Variants in XPO4 observed in about 807,000 individuals in gnomAD.
The protein encoded by XPO4 is exportin-4.
In XPO4, 39 loss-of-function variants were observed where a neutral mutation model predicts 143.0. The observed-to-expected ratio is 0.27, with a 90% CI of 0.21 to 0.36. XPO4 has a LOEUF of 0.36. Ranked by LOEUF, XPO4 falls within the 10% of genes least tolerant of loss-of-function variation. The pLI, the probability that XPO4 is intolerant of heterozygous loss-of-function variation, is 1.00. For synonymous variants in XPO4, 439 were observed against 474.0 expected, an observed-to-expected ratio of 0.93 and a Z score of 0.96; for missense variants, 907 against 1,348.0, an observed-to-expected ratio of 0.67 and a Z score of 5.12.
chr13:20,836,131 T>A (rs182745455), intron 6 of XPO4, among the ~76,000 whole-genome samples: 6 of 152,284 alleles, frequency 3.9e-5, no homozygotes, highest in African/African-American at 1.4e-4. Context: ...TTTGACCGCA[T>A]GGGGGTTGGT....
intron 6 of XPO4, among the ~76,000 whole-genome samples, 173 bp from the exon 7 acceptor site, chr13:20,827,352 G>T (rs1349102038): frequency 1.3e-5 from 2 of 152,132 alleles, no homozygotes; most frequent in African/African-American, 4.8e-5. Flanking sequence ...GGCATTAAGT[G>T]CCTGGGGAAA....
At chr13:20,852,705 G>A in intron 4 of XPO4, 1 of 978,644 alleles carries the variant, frequency 1.0e-6, no homozygotes, top group Non-Finnish European at 1.2e-6. Context: ...GAGAAAGCAA[G>A]GTACACCACA....
chr13:20,864,094 T>C (rs1481137949), intron 2 of XPO4, among the ~76,000 whole-genome samples: 3 of 152,068 alleles, frequency 2.0e-5, no homozygotes, highest in African/African-American at 7.2e-5. Context: ...TATCTTAACA[T>C]GAACTCTAAT....
intron 1 of XPO4, among the ~76,000 whole-genome samples, chr13:20,901,177 T>C (rs1468412198): frequency 2.6e-5 from 4 of 152,190 alleles, no homozygotes; most frequent in Non-Finnish European, 5.9e-5. Flanking sequence ...ATGTAAAGCA[T>C]CAAGCCCAAT....
chr13:20,863,117 T>C (rs2060216305), intron 2 of XPO4: 1 of 1,133,960 alleles, frequency 8.8e-7, no homozygotes, highest in Non-Finnish European at 1.1e-6. Flanking sequence ...TTCCAAAGCA[T>C]GAAGAACTAA....
chr13:20,895,872 C>A (rs1044235914), intron 1 of XPO4, among the ~76,000 whole-genome samples: 1 of 151,682 alleles, frequency 6.6e-6, no homozygotes, highest in African/African-American at 2.4e-5. Flanking sequence ...TAAAGAATAC[C>A]AGTATATTAA....
chr13:20,789,201 T>C (rs1401160725), intron 19 of XPO4, among the ~76,000 whole-genome samples: 2 of 152,178 alleles, frequency 1.3e-5, no homozygotes, highest in Non-Finnish European at 2.9e-5. Context: ...CAAATCAATA[T>C]GGAGAGTTGA....
At chr13:20,831,804 ATTTTTTTTTT>A (rs34302388) in intron 6 of XPO4, among the ~76,000 whole-genome samples, 2 of 88,786 alleles carry the variant, frequency 2.3e-5, no homozygotes, top group African/African-American at 8.7e-5. Flanking sequence ...TAGTACAGTG[ATTTTTTTTTT>A]TTTTTTTTTT....
chr13:20,804,952 T>G (rs1054757519), intron 13 of XPO4, among the ~76,000 whole-genome samples: 2 of 74,664 alleles, frequency 2.7e-5, no homozygotes, highest in East Asian at 5.4e-3. Flanking sequence ...TTGCATTTTG[T>G]TTTTTTTTTT....
chr13:20,858,497 AAAAGGGTGTGTTT>A (rs1211292700), intron 3 of XPO4, among the ~76,000 whole-genome samples: 1 of 152,158 alleles, frequency 6.6e-6, no homozygotes, highest in Non-Finnish European at 1.5e-5. Flanking sequence ...CTCTACTGGA[AAAAGGGTGTGTTT>A]ACCACCACAT....
intron 6 of XPO4, among the ~76,000 whole-genome samples, chr13:20,841,664 G>A (rs1269574833): frequency 6.6e-6 from 1 of 151,980 alleles, no homozygotes; most frequent in Non-Finnish European, 1.5e-5. Flanking sequence ...GCCCTTCACA[G>A]TTAATATTCT....
At chr13:20,862,962 T>C in intron 2 of XPO4, 104 bp from the exon 3 acceptor site, 1 of 1,533,646 alleles carries the variant, frequency 6.5e-7, no homozygotes, top group Non-Finnish European at 8.7e-7. Flanking sequence ...AGGAATAAGA[T>C]GGTTACCTGT....
intron 19 of XPO4, among the ~76,000 whole-genome samples, chr13:20,790,193 C>A (rs1024898174): frequency 6.6e-6 from 1 of 152,166 alleles, no homozygotes; most frequent in Non-Finnish European, 1.5e-5. Flanking sequence ...TCTAAAAGGA[C>A]AGGCTCCTTT....
chr13:20,875,523 T>A (rs982689807), intron 1 of XPO4, among the ~76,000 whole-genome samples: 1 of 152,110 alleles, frequency 6.6e-6, no homozygotes, highest in African/African-American at 2.4e-5. Context: ...TCTATCACCT[T>A]CTCCAATTTC....
chr13:20,778,774 A>G lies in XPO4; in HGVS notation c.*4948T>C, dbSNP rs1441740467. On this transcript the variant is annotated 3_prime_UTR_variant, in exon 23 of 23. Coordinates refer to ENST00000255305, the MANE Select transcript of XPO4 (RefSeq NM_022459.5). ...GGACCGTGTAATGTCCCCAGTGTCA[A>G]TCTTCCTATAATGGTAAACAAACTA... is the stretch of plus-strand genomic sequence containing the variant. The G allele has an allele frequency of 2.0e-5, 3 of 152,154 alleles. No individual in the cohort carries two copies. Among genetic ancestry groups the G allele is most frequent in the East Asian group, 1.9e-4 (1 of 5,196 alleles). 9.4% of individuals were successfully genotyped at this position (152,154 alleles called of 1,614,324 possible).
intron 6 of XPO4, among the ~76,000 whole-genome samples, chr13:20,833,252 C>A (rs1342940166): frequency 6.6e-6 from 1 of 152,088 alleles, no homozygotes; most frequent in Non-Finnish European, 1.5e-5. Flanking sequence ...TAGGGCTCAA[C>A]AATGCAGTGA....
intron 10 of XPO4, among the ~76,000 whole-genome samples, chr13:20,809,590 G>T (rs1192677096): frequency 1.3e-5 from 2 of 152,178 alleles, no homozygotes; most frequent in East Asian, 3.8e-4. Flanking sequence ...ACAGAAAGAG[G>T]TGGGTAACTG....
intron 1 of XPO4, among the ~76,000 whole-genome samples, chr13:20,895,046 C>T (rs1159996187): frequency 6.6e-6 from 1 of 151,278 alleles, no homozygotes; most frequent in African/African-American, 2.4e-5. Flanking sequence ...GGCATGGTGG[C>T]GTGCACCTGT....
At chr13:20,790,612 G>GGGTT (rs1261419838) in intron 18 of XPO4, 32 bp from the exon 19 acceptor site, 1 of 1,539,020 alleles carries the variant, frequency 6.5e-7, no homozygotes, top group East Asian at 2.3e-5. Flanking sequence ...GGCTTATGGT[G>GGGTT]GTAACATCAA....
Sources: gnomAD v4.1 joint callset for allele counts (sites outside exome capture counted in the v4.1 genomes callset) on GRCh38, gnomAD v4.1.1 for gene constraint, MANE v1.5 for transcripts, NCBI Gene and HGNC (gene_info 2026-07-23, HGNC 2026-07-21) for gene names.